Variants in SPAG7 observed in about 807,000 individuals in gnomAD.
SPAG7 encodes sperm-associated antigen 7.
SPAG7 carries 20 observed loss-of-function variants against 30.6 expected under a neutral mutation model. The ratio of observed to expected loss-of-function variants is 0.65; its 90% CI spans 0.46 to 0.95. The LOEUF is 0.95. Among genes scored for constraint, SPAG7 ranks in the 40% least tolerant of loss-of-function variants. SPAG7 has a pLI of 0.00. For missense variants in SPAG7, 276 were observed against 291.1 expected (o/e 0.95, Z 0.38); for synonymous variants, 127 against 104.2 (o/e 1.22, Z -1.33).
At chr17:4,966,502 T>C (rs1971954781) in intron 1 of SPAG7, 1 of 813,934 alleles carries the variant, frequency 1.2e-6, no homozygotes, top group Non-Finnish European at 1.5e-6. Flanking sequence ...CATTAGAGAA[T>C]TCCAGTTCCC....
intron 1 of SPAG7, among the ~76,000 whole-genome samples, chr17:4,962,457 G>C (rs555935549): frequency 3.4e-4 from 52 of 152,114 alleles, no homozygotes; most frequent in Non-Finnish European, 5.9e-4. Flanking sequence ...GCCTAGGCTG[G>C]CGTGCAGTGG....
At chr17:4,965,846 A>AG (rs1971941635) in intron 1 of SPAG7, 1 of 142,772 alleles carries the variant, frequency 7.0e-6, no homozygotes, top group Non-Finnish European at 1.5e-5. Flanking sequence ...TTATTTATTT[A>AG]TTTATCTATT....
At chr17:4,967,175 T>C (rs1201720864) in intron 1 of SPAG7, 8 of 986,440 alleles carry the variant, frequency 8.1e-6, no homozygotes, top group Admixed American at 1.2e-4. Flanking sequence ...GGAAAAAGGT[T>C]GTCGGAGGGA....
chr17:4,967,005 C>T (rs895623263), intron 1 of SPAG7: 11 of 985,608 alleles, frequency 1.1e-5, no homozygotes, highest in Non-Finnish European at 1.3e-5. Context: ...CCCTGCAGGG[C>T]CGCGCCCTAC....
At chr17:4,967,133 C>T in intron 1 of SPAG7, 2 of 986,294 alleles carry the variant, frequency 2.0e-6, no homozygotes, top group Non-Finnish European at 2.4e-6. Flanking sequence ...TACGATCCGC[C>T]CGGGCAGCTC....
At chr17:4,966,721 A>C in intron 1 of SPAG7, 1 of 985,412 alleles carries the variant, frequency 1.0e-6, no homozygotes, top group Non-Finnish European at 1.2e-6. Flanking sequence ...TGATCACTGC[A>C]TCAATGAGCG....
intron 1 of SPAG7, among the ~76,000 whole-genome samples, chr17:4,963,027 A>G (rs146131745): frequency 1.6e-4 from 24 of 151,928 alleles, no homozygotes; most frequent in African/African-American, 5.6e-4. Context: ...TTGACCTTCC[A>G]AAGTGCTGGG....
At chr17:4,966,926 T>G in intron 1 of SPAG7, 1 of 984,272 alleles carries the variant, frequency 1.0e-6, no homozygotes, top group Non-Finnish European at 1.2e-6. Context: ...GGTTTGGGAG[T>G]TGGGGTCCTG....
chr17:4,960,305 C>T lies in SPAG7; in HGVS notation c.256G>A (p.Glu86Lys). The change falls in exon 4 of 7, where the codon GAA (glutamate) becomes AAA (lysine). Residue 86 changes from glutamate to lysine, a missense_variant. Physicochemically the swap from Glu to Lys is moderately conservative, Grantham distance 56. Transcript: ENST00000206020. The stretch of plus-strand genomic sequence containing the variant: ...GAGAAGGATGTCAGGCCAGCCACTT[C>T]CACCACATCATGTCTGGGATGGGAT... ...IERSILHDVV[E>K]VAGLTSFSFG... 3.1e-6 allele frequency: 5 copies of T among 1,614,166 alleles called. No individual in the cohort carries two copies. Among genetic ancestry groups the T allele is most frequent in the Non-Finnish European group, 4.2e-6 (5 of 1,179,992 alleles).
Position 4,960,511 on chromosome 17 carries a change from C to T in SPAG7, c.190G>A (p.Gly64Arg). Residue 64 changes from glycine (G) to arginine (R), a missense_variant, in exon 3 of 7, where the codon GGG (glycine) becomes AGG (arginine). By Grantham distance (125) the Gly-to-Arg change is moderately radical (BLOSUM62 -2). Transcript: ENST00000206020. ...GGCTGAAACTTTTTCTTGATCTGCC[C>T]ACTGTCTTGAATGAAATCTGACACC... ...KEVSDFIQDS[G>R]QIKKKFQPMN... 2 of 1,604,682 alleles carry T rather than the reference C, an allele frequency of 1.2e-6. No individual in the cohort carries two copies.
chr17:4,967,735 G>A lies in SPAG7; in HGVS notation c.70C>T (p.Arg24Trp), dbSNP rs1454168011. The A allele has an allele frequency of 6.2e-7, 1 of 1,613,866 alleles. No homozygotes were observed. Residue 24 changes from arginine (R) to tryptophan (W), a missense_variant, in exon 1 of 7, where the codon CGG (arginine) becomes TGG (tryptophan). Transcript: ENST00000206020. Reference protein sequence around the residue: ...KPPSLGDQETRRKAREQAARL... With the variant: ...KPPSLGDQETWRKAREQAARL... ...GGATCCTCACCTCGGGCCTTGCGCCGAGTCTCCTGGTCACCGAGGCTGGGT... is the reference window on the plus strand; with the variant it reads ...GGATCCTCACCTCGGGCCTTGCGCCAAGTCTCCTGGTCACCGAGGCTGGGT...
rs541685622 is a variant in SPAG7 at position 4,966,946 on chromosome 17, A to C, written c.85+774T>G. 5 of 985,460 alleles carry C rather than the reference A, an allele frequency of 5.1e-6. No homozygotes were observed. The African/African-American group carries it at 8.7e-5, about 17-fold the overall frequency. 61.0% of individuals were successfully genotyped at this position (985,460 alleles called of 1,614,324 possible). On this transcript the variant is annotated intron_variant, in intron 1 of 6. Transcript: ENST00000206020. The stretch of plus-strand genomic sequence containing the variant: ...GGGAGTTGGGGTCCTGCGTTCCGCC[A>C]GTATCATCCCAAGCTGCAACACGAG...
chr17:4,962,612 TCTCA>T (rs541735855), intron 1 of SPAG7, among the ~76,000 whole-genome samples: 129 of 152,180 alleles, frequency 8.5e-4, no homozygotes, highest in Middle Eastern at 3.4e-3. Flanking sequence ...TGAGATGAGG[TCTCA>T]CTATGTTGCC....
intron 1 of SPAG7, among the ~76,000 whole-genome samples, chr17:4,965,197 G>C (rs1299462527): frequency 6.6e-6 from 1 of 152,202 alleles, no homozygotes; most frequent in Non-Finnish European, 1.5e-5. Flanking sequence ...ACAGGCGTGA[G>C]CCACCACGCC....
chr17:4,959,452 A>C lies in SPAG7; in HGVS notation c.*82T>G. ...GGAGGTGGTTCAGAGGTGGGGCTCC[A>C]GGATGGGCTCTAATAGCAGCAGCCT... On this transcript the variant is annotated 3_prime_UTR_variant, in exon 7 of 7. Coordinates refer to ENST00000206020, the MANE Select transcript of SPAG7 (RefSeq NM_004890.3). 1.8e-6 allele frequency: 2 copies of C among 1,109,622 alleles called. No homozygotes were observed. Among genetic ancestry groups the C allele is most frequent in the Admixed American group, 3.6e-5 (2 of 55,036 alleles). The allele number at this position is 1,109,622 out of a possible 1,614,324, so 68.7% of individuals were successfully genotyped here.
At chr17:4,961,764 C>CAAA (rs762833514) in intron 1 of SPAG7, among the ~76,000 whole-genome samples, 3 of 57,598 alleles carry the variant, frequency 5.2e-5, no homozygotes, top group Non-Finnish European at 6.9e-5. Context: ...GACTCCATCT[C>CAAA]AAAAAAAAAA....
chr17:4,964,057 T>C (rs957934157), intron 1 of SPAG7, among the ~76,000 whole-genome samples: 10 of 152,132 alleles, frequency 6.6e-5, no homozygotes, highest in Admixed American at 6.5e-5. Context: ...GGTGGGAGGA[T>C]CACTTGAGGC....
chr17:4,967,753 G>A lies in SPAG7; in HGVS notation c.52C>T (p.Leu18Phe). The change falls in exon 1 of 7, where the codon CTC becomes TTC. Residue 18 changes from leucine to phenylalanine, a missense_variant. Leu to Phe is a conservative substitution (Grantham distance 22, BLOSUM62 0). Transcript: ENST00000206020. The part of the protein sequence containing the change: ...ILSSMEKPPS[L>F]GDQETRRKAR... Reference sequence around the variant, plus strand: ...TTGCGCCGAGTCTCCTGGTCACCGAGGCTGGGTGGCTTCTCCATGGAGCTC... The same window carrying A: ...TTGCGCCGAGTCTCCTGGTCACCGAAGCTGGGTGGCTTCTCCATGGAGCTC... 6.2e-7 allele frequency: 1 copy of A among 1,614,150 alleles called. No individual in the cohort carries two copies. The highest frequency in any genetic ancestry group is 8.5e-7 in the Non-Finnish European group (1 of 1,179,990).
At position 4,960,458 on chromosome 17, in the gene SPAG7, C is replaced by T; in HGVS notation, c.242+1G>A. The stretch of plus-strand genomic sequence containing the variant: ...TCCTCCCCCAGCCCAGGGACACTCA[C>T]AGTATGCTCCTCTCGATCTTGTTCA... On this transcript the variant is annotated splice_donor_variant, in intron 3 of 6. Transcript: ENST00000206020. LOFTEE classifies it high-confidence loss of function. The T allele has an allele frequency of 6.2e-7, 1 of 1,607,954 alleles. No homozygotes were observed. The highest frequency in any genetic ancestry group is 8.5e-7 in the Non-Finnish European group (1 of 1,176,998).
Sources: allele counts gnomAD v4.1 joint callset (sites outside exome capture counted in the v4.1 genomes callset), GRCh38; gene constraint gnomAD v4.1.1; transcripts MANE v1.5; gene names NCBI Gene and HGNC (gene_info 2026-07-23, HGNC 2026-07-21).